Variants in RRAS2 observed in about 807,000 individuals in gnomAD.
RRAS2 encodes the protein RAS related 2, also known as ras-related protein R-Ras2.
A neutral mutation model predicts 27.6 loss-of-function variants in RRAS2; 7 were observed. The observed-to-expected ratio is 0.25, with a 90% CI of 0.14 to 0.48. RRAS2 has a LOEUF of 0.48. Ranked by LOEUF, RRAS2 falls within the 20% of genes least tolerant of loss-of-function variation. The pLI is 0.99. For missense variants in RRAS2, 178 were observed against 256.2 expected, an observed-to-expected ratio of 0.69 and a Z score of 2.08; for synonymous variants, 86 against 90.9, an observed-to-expected ratio of 0.95 and a Z score of 0.31.
At chr11:14,346,117 T>C (rs1848824355) in intron 1 of RRAS2, among the ~76,000 whole-genome samples, 1 of 152,194 alleles carries the variant, frequency 6.6e-6, no homozygotes, top group African/African-American at 2.4e-5. Context: ...AAATATGTTT[T>C]GGAGACAGTA....
intron 1 of RRAS2, among the ~76,000 whole-genome samples, chr11:14,306,645 A>T (rs1399590690): frequency 6.6e-6 from 1 of 152,126 alleles, no homozygotes; most frequent in African/African-American, 2.4e-5. Context: ...GCCATCAATC[A>T]GTTGTACTAG....
chr11:14,330,462 T>C (rs1232387158), intron 1 of RRAS2, among the ~76,000 whole-genome samples: 3 of 152,136 alleles, frequency 2.0e-5, no homozygotes, highest in Non-Finnish European at 4.4e-5. Context: ...CAGTGAGCCA[T>C]GATTGTGCTA....
intron 5 of RRAS2, among the ~76,000 whole-genome samples, 169 bp from the exon 6 acceptor site, chr11:14,279,593 C>T (rs1554944015): frequency 3.3e-5 from 5 of 152,110 alleles, no homozygotes; most frequent in African/African-American, 7.2e-5. Flanking sequence ...GGCACAAACG[C>T]GTCAACACCA....
At chr11:14,289,880 G>A (rs1202367030) in intron 4 of RRAS2, among the ~76,000 whole-genome samples, 2 of 152,108 alleles carry the variant, frequency 1.3e-5, no homozygotes, top group African/African-American at 4.8e-5. Flanking sequence ...AAGGAGAAAT[G>A]GCATTTATTA....
intron 1 of RRAS2, among the ~76,000 whole-genome samples, chr11:14,353,820 T>G (rs1554955121): frequency 1.3e-5 from 2 of 152,132 alleles, no homozygotes; most frequent in South Asian, 4.1e-4. Context: ...GTACAGAAAT[T>G]TTATCTAGGA....
intron 1 of RRAS2, among the ~76,000 whole-genome samples, chr11:14,351,069 T>C (rs1554954700): frequency 6.6e-6 from 1 of 152,228 alleles, no homozygotes; most frequent in Non-Finnish European, 1.5e-5. Flanking sequence ...AAGGCATGTA[T>C]GTGGTCAAAT....
chr11:14,338,781 A>T (rs575481156), intron 1 of RRAS2, among the ~76,000 whole-genome samples: 93 of 152,232 alleles, frequency 6.1e-4, no homozygotes, highest in African/African-American at 2.2e-3. Context: ...GGATACAGAT[A>T]CTACAAAACA....
At chr11:14,323,195 C>T (rs1382887900) in intron 1 of RRAS2, among the ~76,000 whole-genome samples, 2 of 152,080 alleles carry the variant, frequency 1.3e-5, no homozygotes, top group African/African-American at 4.8e-5. Flanking sequence ...ACCTGTAATG[C>T]CAACACTTTG....
At chr11:14,336,822 A>G (rs1434316700) in intron 1 of RRAS2, among the ~76,000 whole-genome samples, 1 of 152,212 alleles carries the variant, frequency 6.6e-6, no homozygotes, top group Non-Finnish European at 1.5e-5. Context: ...GAAAAAGTAC[A>G]TGAAATAACA....
chr11:14,359,456 A>T (rs545794344), upstream of RRAS2, among the ~76,000 whole-genome samples: 1 of 152,344 alleles, frequency 6.6e-6, no homozygotes, highest in Non-Finnish European at 1.5e-5. Flanking sequence ...GCGTGTGCGA[A>T]AAATAGGGCT....
At chr11:14,307,853 T>G (rs1179336280) in intron 1 of RRAS2, among the ~76,000 whole-genome samples, 4 of 152,246 alleles carry the variant, frequency 2.6e-5, no homozygotes, top group African/African-American at 9.6e-5. Flanking sequence ...TAGGTCATTT[T>G]TTTTTAAATA....
At chr11:14,357,452 T>C (rs1480286031) in intron 1 of RRAS2, among the ~76,000 whole-genome samples, 1 of 152,194 alleles carries the variant, frequency 6.6e-6, no homozygotes. Flanking sequence ...CTTAAACCAA[T>C]CTCACCCCTT....
intron 1 of RRAS2, among the ~76,000 whole-genome samples, chr11:14,351,200 A>G (rs1554954724): frequency 1.3e-5 from 2 of 152,228 alleles, no homozygotes; most frequent in African/African-American, 4.8e-5. Flanking sequence ...AGGGGACTCT[A>G]TAAGTAACTA....
At chr11:14,359,272 G>C (rs1849156166), upstream of RRAS2, 1 of 685,868 alleles carries the variant, frequency 1.5e-6, no homozygotes, top group Non-Finnish European at 1.8e-6. Context: ...AGGTTCGGGA[G>C]GTAACCCGGG....
intron 4 of RRAS2, among the ~76,000 whole-genome samples, chr11:14,292,738 G>T: frequency 6.6e-6 from 1 of 152,150 alleles, no homozygotes; most frequent in Admixed American, 6.5e-5. Context: ...AGATTTGAAC[G>T]AGATTTAGCA....
chr11:14,301,898 G>C (rs1482777242), intron 1 of RRAS2, among the ~76,000 whole-genome samples: 1 of 152,090 alleles, frequency 6.6e-6, no homozygotes, highest in Non-Finnish European at 1.5e-5. Context: ...CAGGAGAATC[G>C]CTTGAACCCA....
intron 1 of RRAS2, among the ~76,000 whole-genome samples, chr11:14,349,236 C>A (rs1397435357): frequency 1.3e-5 from 2 of 152,032 alleles, no homozygotes; most frequent in Non-Finnish European, 2.9e-5. Flanking sequence ...ACTGCAACCT[C>A]CACCTCCCAG....
chr11:14,293,007 C>G (rs1235301911), intron 4 of RRAS2, among the ~76,000 whole-genome samples: 3 of 151,040 alleles, frequency 2.0e-5, no homozygotes, highest in African/African-American at 4.9e-5. Context: ...ACTTGGGAGG[C>G]TGAGGCAGGA....
Position 14,357,209 on chromosome 11 carries a change from T to C in RRAS2, c.108+1554A>G, listed in dbSNP as rs552250150. On this transcript the variant is annotated intron_variant, in intron 1 of 5. Coordinates refer to ENST00000256196, the MANE Select transcript of RRAS2 (RefSeq NM_012250.6). ...CCCCTTCCTCAAAAAAACGTAAATA[T>C]TTGTGGTTCAAATCTTTTAAATAAC... Among the ~76,000 whole-genome samples, 6 of 152,292 alleles carry C rather than the reference T, an allele frequency of 3.9e-5. No individual in the cohort carries two copies. The East Asian group carries it at 1.2e-3, about 29-fold the overall frequency.
Sources: gnomAD v4.1 joint callset for allele counts (sites outside exome capture counted in the v4.1 genomes callset) on GRCh38, gnomAD v4.1.1 for gene constraint, MANE v1.5 for transcripts, NCBI Gene and HGNC (gene_info 2026-07-23, HGNC 2026-07-21) for gene names.